NIPA2: variants seen among roughly 807,000 people sequenced by gnomAD.
NIPA2 encodes the protein NIPA magnesium transporter 2.
NIPA2 carries 11 observed loss-of-function variants against 29.7 expected under a neutral mutation model. The ratio of observed to expected loss-of-function variants is 0.37; its 90% confidence interval spans 0.23 to 0.61. The LOEUF (loss-of-function observed/expected upper bound fraction) is 0.61. Among genes scored for constraint, NIPA2 ranks in the 20% least tolerant of loss-of-function variants. NIPA2 has a pLI of 0.66. For missense variants in NIPA2, 426 were observed against 437.9 expected (o/e 0.97, Z 0.24); for synonymous variants, 183 against 161.9 (o/e 1.13, Z -0.99).
In NIPA2 at chr15:22,868,020, A is replaced by G. The variant is rs1175234425; in HGVS notation, c.*1173A>G. 1 of 152,242 alleles carries G rather than the reference A, an allele frequency of 6.6e-6. No homozygotes were observed. The highest frequency in any genetic ancestry group is 1.5e-5 in the Non-Finnish European group (1 of 68,054). The allele number at this position is 152,242 out of a possible 1,614,324, so 9.4% of individuals were successfully genotyped here. A position where few individuals can be genotyped will look rare whatever the true frequency, so the allele number is the denominator to read the frequency against. On this transcript the variant is annotated 3_prime_UTR_variant, in exon 8 of 8. Transcript: ENST00000337451. ...ATTTCCACCTAGGTGATGGGAAGAAAGTGTTCGCCTGTTCCAGCCTGTGGC... is the reference window on the plus strand; with the variant it reads ...ATTTCCACCTAGGTGATGGGAAGAAGGTGTTCGCCTGTTCCAGCCTGTGGC...
At chr15:22,852,501 T>C (rs1305181684) in intron 4 of NIPA2, among the ~76,000 whole-genome samples, 5 of 146,152 alleles carry the variant, frequency 3.4e-5, no homozygotes, top group Non-Finnish European at 7.5e-5. Context: ...AAAATCAGAA[T>C]TTATTAAAGG....
chr15:22,846,909 T>TG (rs374955814), intron 3 of NIPA2, among the ~76,000 whole-genome samples: 8 of 148,904 alleles, frequency 5.4e-5, no homozygotes, highest in African/African-American at 2.0e-4. Context: ...GTTGTTTTTT[T>TG]TTTGTTTGTT....
rs774426552 is a variant in NIPA2 at position 22,866,860 on chromosome 15, T to TA, written c.*16dup. On this transcript the variant is annotated 3_prime_UTR_variant, in exon 8 of 8. Transcript: ENST00000337451. ...GACAGCTTTTTAAGAAAGGTGTAAT[T>TA]AAAGGTTAATCTGTGATTGTTATGA... The TA allele has an allele frequency of 2.1e-5, 33 of 1,571,212 alleles. No individual in the cohort carries two copies. The African/African-American group carries it at 4.5e-4, about 21-fold the overall frequency.
intron 2 of NIPA2, among the ~76,000 whole-genome samples, chr15:22,840,107 A>G (rs1161824532): frequency 6.6e-6 from 1 of 151,152 alleles, no homozygotes; most frequent in East Asian, 2.0e-4. Flanking sequence ...TTTTTTTAGA[A>G]CCGGGGTTTC....
In NIPA2 at chr15:22,866,445, C is replaced by CT; in HGVS notation, c.682dup (p.Cys228LeufsTer7). The CT allele has an allele frequency of 6.2e-7, 1 of 1,614,134 alleles. No homozygotes were observed. ...GGATTCTGCTGCTGAGCCTCATCGTCTGTGTGAGCACACAGATTAATTACC... is the reference window on the plus strand; with the variant it reads ...GGATTCTGCTGCTGAGCCTCATCGTCTTGTGTGAGCACACAGATTAATTACC... On this transcript the variant is annotated frameshift_variant, in exon 8 of 8. Coordinates refer to ENST00000337451, the MANE Select transcript of NIPA2 (RefSeq NM_030922.7). LOFTEE classifies it high-confidence loss of function.
At position 22,868,229 on chromosome 15, in the gene NIPA2, C is replaced by T. The variant is rs1206511676; in HGVS notation, c.*1382C>T. On this transcript the variant is annotated 3_prime_UTR_variant, in exon 8 of 8. Transcript: ENST00000337451. ...AGATGTTTTTTCTAACTGCCTCCTC[C>T]CATGCCATTTTAATACTACAGATGT... is the stretch of plus-strand genomic sequence containing the variant. The T allele has an allele frequency of 6.6e-6, 1 of 152,186 alleles. No homozygotes were observed. Among genetic ancestry groups the T allele is most frequent in the Non-Finnish European group, 1.5e-5 (1 of 68,038 alleles). The allele number at this position is 152,186 out of a possible 1,614,324, so 9.4% of individuals were successfully genotyped here.
rs952766357 is a variant in NIPA2 at position 22,846,177 on chromosome 15, C to T, written c.-94+910C>T. Among the ~76,000 whole-genome samples the T allele has an allele frequency of 4.6e-5, 7 of 152,212 alleles. No homozygotes were observed. In the South Asian group the frequency reaches 1.0e-3, roughly 23 times the overall value. On this transcript the variant is annotated intron_variant, in intron 3 of 7. Transcript: ENST00000337451. ...TGCGGGAGGCAAGGCTTTGTGGTAA[C>T]GAGAGTGGCTGTGGTTCCTGCAGAA... is the stretch of plus-strand genomic sequence containing the variant.
At chr15:22,847,503 CA>C (rs1449793702) in intron 3 of NIPA2, among the ~76,000 whole-genome samples, 1 of 151,004 alleles carries the variant, frequency 6.6e-6, no homozygotes, top group Non-Finnish European at 1.5e-5. Flanking sequence ...CTTGCTCTGT[CA>C]CCTAGGGTGG....
intron 2 of NIPA2, among the ~76,000 whole-genome samples, chr15:22,841,527 A>G (rs1214530279): frequency 6.6e-6 from 1 of 151,784 alleles, no homozygotes; most frequent in Admixed American, 6.6e-5. Context: ...TTTTCTTCTG[A>G]GATGCAGTTT....
intron 2 of NIPA2, among the ~76,000 whole-genome samples, chr15:22,844,785 G>A (rs1474402195): frequency 6.7e-6 from 1 of 150,324 alleles, no homozygotes; most frequent in Non-Finnish European, 1.5e-5. Flanking sequence ...CAACAAAAAA[G>A]CCCTTCCCCT....
intron 3 of NIPA2, among the ~76,000 whole-genome samples, chr15:22,850,766 A>G (rs2057673465): frequency 6.6e-6 from 1 of 152,220 alleles, no homozygotes; most frequent in African/African-American, 2.4e-5. Context: ...AAGAACGGAA[A>G]AACATGGCTA....
intron 7 of NIPA2, among the ~76,000 whole-genome samples, chr15:22,861,653 A>G (rs1232815332): frequency 1.3e-5 from 2 of 152,128 alleles, no homozygotes; most frequent in Non-Finnish European, 2.9e-5. Flanking sequence ...GGAAGCATGT[A>G]GGATGTTCTC....
Position 22,866,602 on chromosome 15 carries a change from A to G in NIPA2, c.838A>G (p.Ile280Val), listed in dbSNP as rs202149048. The G allele has an allele frequency of 1.4e-5, 22 of 1,614,150 alleles. No individual in the cohort carries two copies. The African/African-American group carries it at 2.4e-4, about 18-fold the overall frequency. ...GCAAGATATGCCTGTTGACGATGTCATTGGTACTTTGAGTGGCTTCTTTAC... is the reference window on the plus strand; with the variant it reads ...GCAAGATATGCCTGTTGACGATGTCGTTGGTACTTTGAGTGGCTTCTTTAC... ...EWQDMPVDDV[I>V]GTLSGFFTII... The change falls in exon 8 of 8, where the codon ATT becomes GTT. Residue 280 changes from isoleucine (I) to valine (V), a missense_variant. Coordinates refer to ENST00000337451, the MANE Select transcript of NIPA2 (RefSeq NM_030922.7).
In NIPA2 at chr15:22,866,796, A is replaced by G; in HGVS notation, c.1032A>G (p.Gln344=). 6.2e-7 allele frequency: 1 copy of G among 1,609,004 alleles called. No individual in the cohort carries two copies. The highest frequency in any genetic ancestry group is 1.7e-4 in the Middle Eastern group (1 of 6,040). ...NEESLTCGIE[Q]HTGENVSRRN... ...AAAGCTTAACCTGTGGAATCGAACA[A>G]CACACTGGTGAAAATGTCTCCCGAA... The change falls in exon 8 of 8, where the codon CAA becomes CAG. Residue 344 remains glutamine (Q), a synonymous_variant. Coordinates refer to ENST00000337451, the MANE Select transcript of NIPA2 (RefSeq NM_030922.7).
rs573974428 is a variant in NIPA2 at position 22,862,854 on chromosome 15, T to C, written c.448+2065T>C. Among the ~76,000 whole-genome samples, 11 of 152,074 alleles carry C rather than the reference T, an allele frequency of 7.2e-5. No individual in the cohort carries two copies. The East Asian group carries it at 2.1e-3, about 29-fold the overall frequency. On this transcript the variant is annotated intron_variant, in intron 7 of 7. Transcript: ENST00000337451. The stretch of plus-strand genomic sequence containing the variant: ...GCTCACCTTCACCCTGAAGGTATTG[T>C]TTTAAGCTTTGTTGGGCCTAGTTTC...
chr15:22,853,091 T>C, intron 4 of NIPA2, 121 bp from the exon 5 acceptor site: 1 of 646,388 alleles, frequency 1.5e-6, no homozygotes, highest in African/African-American at 1.8e-5. Flanking sequence ...TCCCGAGTCA[T>C]GCAGAAACCT....
At chr15:22,841,364 A>G (rs1371631865) in intron 2 of NIPA2, among the ~76,000 whole-genome samples, 1 of 152,216 alleles carries the variant, frequency 6.6e-6, no homozygotes, top group African/African-American at 2.4e-5. Flanking sequence ...TATGTAAATG[A>G]AGTTGAAACA....
chr15:22,848,396 C>CTTTG (rs945798579), intron 3 of NIPA2, among the ~76,000 whole-genome samples: 2 of 151,950 alleles, frequency 1.3e-5, no homozygotes, highest in Non-Finnish European at 2.9e-5. Context: ...TTAATGGCTG[C>CTTTG]TTTGTTTGTT....
intron 2 of NIPA2, among the ~76,000 whole-genome samples, chr15:22,841,548 G>A (rs960481787): frequency 6.6e-6 from 1 of 151,734 alleles, no homozygotes; most frequent in African/African-American, 2.4e-5. Context: ...TGCTCTTGTT[G>A]CCCAGGCTAG....
Sources: gnomAD v4.1 joint callset for allele counts (sites outside exome capture counted in the v4.1 genomes callset) on GRCh38, gnomAD v4.1.1 for gene constraint, MANE v1.5 for transcripts, NCBI Gene and HGNC (gene_info 2026-07-23, HGNC 2026-07-21) for gene names.